The following HHIPL1 variants were observed in gnomAD, a reference collection of about 807,000 sequenced individuals.
The protein encoded by HHIPL1 is HHIP like 1.
Under a neutral mutation model 61.8 loss-of-function variants are expected in HHIPL1, and 43 were observed. That is an observed-to-expected ratio of 0.70 (90% CI 0.55 to 0.90). The LOEUF (loss-of-function observed/expected upper bound fraction) is 0.90. Ranked by LOEUF, HHIPL1 falls within the 40% of genes least tolerant of loss-of-function variation. The pLI is 0.00. For missense variants in HHIPL1, 1,056 were observed against 1,157.7 expected (o/e 0.91, Z 1.28); for synonymous variants, 482 against 515.8 (o/e 0.93, Z 0.89).
chr14:99,635,350 G>A, the HHIPL1 span, among the ~76,000 whole-genome samples: 1 of 152,100 alleles, frequency 6.6e-6, no homozygotes, highest in African/African-American at 2.4e-5. Context: ...ACAGTGTAGG[G>A]AGTGCCCTGT....
At chr14:99,643,878 G>T (rs1479779972), upstream of HHIPL1, among the ~76,000 whole-genome samples, 1 of 152,184 alleles carries the variant, frequency 6.6e-6, no homozygotes, top group Admixed American at 6.5e-5. Flanking sequence ...CTTTGACAAG[G>T]TGACCATAGC....
At chr14:99,637,033 A>AAGAAGGAAAAAAGAAAGAAAGAGAG in the HHIPL1 span, among the ~76,000 whole-genome samples, 57 of 130,868 alleles carry the variant, frequency 4.4e-4, 2 homozygotes, top group African/African-American at 1.6e-3. Context: ...GAAAGAAAGA[A>AAGAAGGAAAAAAGAAAGAAAGAGAG]AGAAAGAAAG....
the HHIPL1 span, among the ~76,000 whole-genome samples, chr14:99,605,460 T>C: frequency 6.6e-6 from 1 of 151,408 alleles, no homozygotes; most frequent in Non-Finnish European, 1.5e-5. Flanking sequence ...GCCCACGGCC[T>C]GGAGCGCGCG....
At chr14:99,612,202 C>T in the HHIPL1 span, among the ~76,000 whole-genome samples, 1 of 152,156 alleles carries the variant, frequency 6.6e-6, no homozygotes, top group African/African-American at 2.4e-5. Context: ...ATGGGGAGAG[C>T]CCCTTAGAAA....
At chr14:99,651,406 G>A (rs2055927757) in intron 1 of HHIPL1, among the ~76,000 whole-genome samples, 1 of 152,224 alleles carries the variant, frequency 6.6e-6, no homozygotes, top group African/African-American at 2.4e-5. Context: ...TACAATCATG[G>A]TGGAAAGTAA....
intron 7 of HHIPL1, among the ~76,000 whole-genome samples, chr14:99,671,325 C>G (rs1003232394): frequency 1.3e-5 from 2 of 152,168 alleles, no homozygotes; most frequent in Non-Finnish European, 2.9e-5. Context: ...GAACAAAAGC[C>G]CCACTGGGTC....
chr14:99,632,768 G>A, the HHIPL1 span, among the ~76,000 whole-genome samples: 1 of 152,144 alleles, frequency 6.6e-6, no homozygotes, highest in Admixed American at 6.5e-5. Context: ...GTGGTGCACT[G>A]GCCATCACCT....
At chr14:99,605,493 A>T in the HHIPL1 span, among the ~76,000 whole-genome samples, 1 of 151,702 alleles carries the variant, frequency 6.6e-6, no homozygotes, top group African/African-American at 2.4e-5. Context: ...CTGATGCCCC[A>T]TTTACAGTTG....
At chr14:99,645,483 CGGGCG>C in intron 1 of HHIPL1, 21 bp downstream of exon 1, 2 of 1,264,174 alleles carry the variant, frequency 1.6e-6, no homozygotes, top group South Asian at 3.0e-5. Flanking sequence ...GCGCGGCCAC[CGGGCG>C]GGGCGGGGCG....
At position 99,663,027 on chromosome 14, in the gene HHIPL1, C is replaced by T; in HGVS notation, c.1648+6C>T. 6.3e-7 allele frequency: 1 copy of T among 1,598,162 alleles called. No individual in the cohort carries two copies. Among genetic ancestry groups the T allele is most frequent in the Non-Finnish European group, 8.5e-7 (1 of 1,172,648 alleles). On this transcript the variant is annotated splice_donor_region_variant and intron_variant, in intron 6 of 8. Coordinates refer to ENST00000330710, the MANE Select transcript of HHIPL1 (RefSeq NM_001127258.3). ...CTTCGGGGAGGACGAGGCCGGTGAGCACTCCTGAGACCTCTCCTTGCTGGT... is the reference window on the plus strand; with the variant it reads ...CTTCGGGGAGGACGAGGCCGGTGAGTACTCCTGAGACCTCTCCTTGCTGGT...
At chr14:99,654,201 A>G (rs909666876) in intron 2 of HHIPL1, among the ~76,000 whole-genome samples, 3 of 151,466 alleles carry the variant, frequency 2.0e-5, no homozygotes, top group Admixed American at 6.6e-5. Flanking sequence ...AAAAAAAAAA[A>G]AAAAAAAGAA....
chr14:99,658,665 A>G (rs2056090677), intron 3 of HHIPL1, among the ~76,000 whole-genome samples: 1 of 152,202 alleles, frequency 6.6e-6, no homozygotes, highest in Admixed American at 6.6e-5. Flanking sequence ...GTCTTTAAGC[A>G]CATTACAGAT....
At chr14:99,653,088 C>T (rs2055967298) in intron 2 of HHIPL1, among the ~76,000 whole-genome samples, 1 of 152,218 alleles carries the variant, frequency 6.6e-6, no homozygotes, top group Non-Finnish European at 1.5e-5. Flanking sequence ...CCTGTGAGGC[C>T]TGACATTTCT....
the HHIPL1 span, among the ~76,000 whole-genome samples, chr14:99,614,910 G>A: frequency 1.3e-5 from 2 of 152,100 alleles, no homozygotes; most frequent in Non-Finnish European, 2.9e-5. Context: ...AATTATCTGG[G>A]ACTCATGGAC....
At chr14:99,643,756 T>C (rs1595142384), upstream of HHIPL1, among the ~76,000 whole-genome samples, 2 of 152,118 alleles carry the variant, frequency 1.3e-5, no homozygotes, top group South Asian at 4.2e-4. Context: ...CAGGTGGGAG[T>C]TGGAGGGGAA....
At chr14:99,632,113 A>C in the HHIPL1 span, among the ~76,000 whole-genome samples, 2 of 152,292 alleles carry the variant, frequency 1.3e-5, no homozygotes, top group Non-Finnish European at 2.9e-5. Context: ...TAGGTCTTGC[A>C]CTAGAGTCTC....
At chr14:99,641,349 T>G (rs371940704), upstream of HHIPL1, among the ~76,000 whole-genome samples, 1 of 152,078 alleles carries the variant, frequency 6.6e-6, no homozygotes, top group East Asian at 1.9e-4. Flanking sequence ...TTTATTTCTA[T>G]TTTTTTCTTC....
At chr14:99,654,026 T>C (rs1420802291) in intron 2 of HHIPL1, among the ~76,000 whole-genome samples, 1 of 151,850 alleles carries the variant, frequency 6.6e-6, no homozygotes, top group African/African-American at 2.4e-5. Flanking sequence ...CTGTCTCTAC[T>C]AAAAACACAA....
At chr14:99,639,430 G>A in the HHIPL1 span, among the ~76,000 whole-genome samples, 1 of 151,778 alleles carries the variant, frequency 6.6e-6, no homozygotes, top group South Asian at 2.1e-4. Context: ...CTGCAGCGTC[G>A]ACCTCCTGGG....
Sources: gnomAD v4.1 joint callset for allele counts (sites outside exome capture counted in the v4.1 genomes callset) on GRCh38, gnomAD v4.1.1 for gene constraint, MANE v1.5 for transcripts, NCBI Gene and HGNC (gene_info 2026-07-23, HGNC 2026-07-21) for gene names.